FRMD4A: variants seen among roughly 807,000 people sequenced by gnomAD.
FRMD4A encodes FERM domain containing 4A.
In FRMD4A, 29 loss-of-function variants were observed where a neutral mutation model predicts 129.1. The observed-to-expected ratio is 0.22, with a 90% CI of 0.17 to 0.31. The LOEUF is 0.31. FRMD4A is among the 10% of genes least tolerant of loss of function. The pLI, the probability that FRMD4A is intolerant of heterozygous loss-of-function variation, is 1.00. For missense variants in FRMD4A, 1,272 were observed against 1,375.8 expected (o/e 0.92, Z 1.19); for synonymous variants, 634 against 571.6 (o/e 1.11, Z -1.56).
At chr10:14,187,684 G>A (rs1176549233) in intron 2 of FRMD4A, among the ~76,000 whole-genome samples, 1 of 152,322 alleles carries the variant, frequency 6.6e-6, no homozygotes, top group African/African-American at 2.4e-5. Context: ...GGGAGGCTGG[G>A]GTGGGAGGAT....
At chr10:13,930,260 C>G (rs958430195) in intron 2 of FRMD4A, among the ~76,000 whole-genome samples, 2 of 152,204 alleles carry the variant, frequency 1.3e-5, no homozygotes, top group African/African-American at 4.8e-5. Context: ...TCACTACGCC[C>G]TGCTTTCATC....
At chr10:14,091,067 A>G (rs746075340) in intron 2 of FRMD4A, among the ~76,000 whole-genome samples, 7 of 152,202 alleles carry the variant, frequency 4.6e-5, no homozygotes, top group Non-Finnish European at 1.0e-4. Context: ...ATGACACCAG[A>G]CCTATTATAA....
chr10:13,895,003 T>C (rs1467723565), intron 2 of FRMD4A, among the ~76,000 whole-genome samples: 1 of 152,220 alleles, frequency 6.6e-6, no homozygotes, highest in Non-Finnish European at 1.5e-5. Context: ...CTTGTAGGGC[T>C]GTTATGAGGA....
At chr10:14,052,118 A>G (rs1565213612) in intron 2 of FRMD4A, among the ~76,000 whole-genome samples, 1 of 152,194 alleles carries the variant, frequency 6.6e-6, no homozygotes, top group Non-Finnish European at 1.5e-5. Context: ...CTACAAGCCA[A>G]TGGATGCCAA....
chr10:13,884,116 ACACACTCACACACACGCT>A (rs1564969907), intron 2 of FRMD4A, among the ~76,000 whole-genome samples: 2 of 111,860 alleles, frequency 1.8e-5, no homozygotes, highest in African/African-American at 8.3e-5. Context: ...ACACACACAC[ACACACTCACACACACGCT>A]CACACACACT....
intron 2 of FRMD4A, among the ~76,000 whole-genome samples, chr10:14,012,608 C>T (rs541153816): frequency 3.9e-5 from 6 of 152,254 alleles, no homozygotes; most frequent in Admixed American, 1.3e-4. Context: ...CGTGTATGCA[C>T]GGTCACAGGA....
At position 14,006,452 on chromosome 10, in the gene FRMD4A, G is replaced by A. The variant is rs1472624417; in HGVS notation, c.46-147540C>T. Among the ~76,000 whole-genome samples, 4 of 152,188 alleles carry A rather than the reference G, an allele frequency of 2.6e-5. No homozygotes were observed. The East Asian group carries it at 7.7e-4, about 29-fold the overall frequency. The stretch of plus-strand genomic sequence containing the variant: ...AATTTTTCTTAAATTAGTAAACAAT[G>A]ACTAACAGAAGTGGTAACTGCCTAT... On this transcript the variant is annotated intron_variant, in intron 2 of 24. Transcript: ENST00000357447.
intron 2 of FRMD4A, among the ~76,000 whole-genome samples, chr10:14,250,957 A>G (rs1182913754): frequency 2.6e-5 from 4 of 152,236 alleles, no homozygotes; most frequent in Admixed American, 2.6e-4. Flanking sequence ...TTAGAAAGTT[A>G]GCATTCCATG....
intron 15 of FRMD4A, among the ~76,000 whole-genome samples, chr10:13,679,391 C>T (rs1490253214): frequency 8.0e-6 from 1 of 125,716 alleles, no homozygotes; most frequent in Non-Finnish European, 1.6e-5. Flanking sequence ...TGGTCCACTG[C>T]ACCACAGCCT....
At position 14,203,557 on chromosome 10, in the gene FRMD4A, T is replaced by G. The variant is rs537113627; in HGVS notation, c.45+126501A>C. 2.0e-5 allele frequency among the ~76,000 whole-genome samples: 3 copies of G among 152,336 alleles called. No individual in the cohort carries two copies. In the East Asian group the frequency reaches 5.8e-4, roughly 29 times the overall value. On this transcript the variant is annotated intron_variant, in intron 2 of 24. Coordinates refer to ENST00000357447, the MANE Select transcript of FRMD4A (RefSeq NM_018027.5). ...GGCTTTTGCCCTTCTCTAATAAACC[T>G]AAAGAACAGACATTAACTCGGCTAA...
chr10:13,775,418 G>A (rs1349039955), intron 6 of FRMD4A, among the ~76,000 whole-genome samples: 2 of 152,044 alleles, frequency 1.3e-5, no homozygotes, highest in Non-Finnish European at 2.9e-5. Flanking sequence ...TTGGTATTCT[G>A]AGAGAAATTT....
chr10:13,719,471 A>AC (rs931720334), intron 12 of FRMD4A, among the ~76,000 whole-genome samples: 53 of 151,812 alleles, frequency 3.5e-4, no homozygotes, highest in African/African-American at 1.1e-3. Flanking sequence ...GGCAGGTAGG[A>AC]CCCCGACTGT....
chr10:13,867,646 A>G (rs1031937679), intron 2 of FRMD4A, among the ~76,000 whole-genome samples: 6 of 135,152 alleles, frequency 4.4e-5, no homozygotes, highest in Non-Finnish European at 7.7e-5. Context: ...TATATAATAC[A>G]TAATAAATAT....
intron 15 of FRMD4A, chr10:13,693,406 G>T: frequency 3.7e-6 from 2 of 540,292 alleles, no homozygotes; most frequent in Non-Finnish European, 5.2e-6. Flanking sequence ...ATTTCAAAAG[G>T]CACTGAATGG....
intron 2 of FRMD4A, among the ~76,000 whole-genome samples, chr10:13,998,988 T>C (rs944808444): frequency 2.0e-5 from 3 of 152,162 alleles, no homozygotes; most frequent in East Asian, 1.9e-4. Flanking sequence ...CTTCTCTGAC[T>C]CTTTAACCTC....
At chr10:13,951,929 T>TAATAATAATAATAAAAAA (rs1554984653) in intron 2 of FRMD4A, among the ~76,000 whole-genome samples, 1 of 145,966 alleles carries the variant, frequency 6.9e-6, no homozygotes, top group Admixed American at 6.9e-5. Flanking sequence ...ATAATAATAA[T>TAATAATAATAATAAAAAA]AAACAATCTA....
At chr10:13,771,948 C>T (rs2092466574) in intron 6 of FRMD4A, among the ~76,000 whole-genome samples, 1 of 151,048 alleles carries the variant, frequency 6.6e-6, no homozygotes, top group Non-Finnish European at 1.5e-5. Flanking sequence ...CAAAACAAAA[C>T]ACACAAAAAA....
rs528142871 is a variant in FRMD4A at position 14,320,715 on chromosome 10, C to A, written c.45+9343G>T. On this transcript the variant is annotated intron_variant, in intron 2 of 24. Coordinates refer to ENST00000357447, the MANE Select transcript of FRMD4A (RefSeq NM_018027.5). ...TATAAGTTCCCAGGCAAGGGCCATGCACTATACTCACCAAAATTCCTCCCA... is the reference window on the plus strand; with the variant it reads ...TATAAGTTCCCAGGCAAGGGCCATGAACTATACTCACCAAAATTCCTCCCA... Among the ~76,000 whole-genome samples the A allele has an allele frequency of 7.2e-5, 11 of 152,352 alleles. 1 individual carries two copies. The South Asian group carries it at 1.9e-3, about 26-fold the overall frequency.
chr10:14,287,429 A>G (rs1462718587), intron 2 of FRMD4A, among the ~76,000 whole-genome samples: 1 of 152,212 alleles, frequency 6.6e-6, no homozygotes, highest in African/African-American at 2.4e-5. Context: ...TAAAAAATGA[A>G]TTGAATGAAG....
Sources: gnomAD v4.1 joint callset for allele counts (sites outside exome capture counted in the v4.1 genomes callset) on GRCh38, gnomAD v4.1.1 for gene constraint, MANE v1.5 for transcripts, NCBI Gene and HGNC (gene_info 2026-07-23, HGNC 2026-07-21) for gene names.